GLIS3: variants seen among roughly 807,000 people sequenced by gnomAD.
The protein encoded by GLIS3 is zinc finger protein GLIS3.
A neutral mutation model predicts 78.6 loss-of-function variants in GLIS3; 53 were observed. The ratio of observed to expected loss-of-function variants is 0.67; its 90% CI spans 0.54 to 0.85. The LOEUF (loss-of-function observed/expected upper bound fraction) is 0.85, where lower values mean the gene tolerates loss of function less well. Ranked by LOEUF, GLIS3 falls within the 40% of genes least tolerant of loss-of-function variation. The probability of loss-of-function intolerance (pLI) is 0.00; values close to 1 mark genes in which losing one functional copy is unlikely to be tolerated. For missense variants in GLIS3, 1,703 were observed against 1,231.1 expected, an observed-to-expected ratio of 1.38 and a Z score of -5.74; for synonymous variants, 684 against 509.9, an observed-to-expected ratio of 1.34 and a Z score of -4.60.
intron 9 of GLIS3, among the ~76,000 whole-genome samples, chr9:3,845,751 CCACA>C (rs145728680): frequency 2.6e-5 from 4 of 151,020 alleles, no homozygotes; most frequent in Non-Finnish European, 4.4e-5. Flanking sequence ...ACACACACAC[CCACA>C]CACACACACA....
At chr9:3,867,342 G>A (rs10973926) in intron 8 of GLIS3, among the ~76,000 whole-genome samples, 6,321 of 152,216 alleles carry the variant, frequency 0.042, 169 homozygotes, top group Middle Eastern at 0.075. Flanking sequence ...CCTTATAAGT[G>A]TACATGTGAC....
chr9:3,881,068 C>G (rs1311840016), intron 7 of GLIS3, among the ~76,000 whole-genome samples: 2 of 152,150 alleles, frequency 1.3e-5, no homozygotes, highest in African/African-American at 2.4e-5. Flanking sequence ...AATCACTAAC[C>G]TCATTTATGC....
chr9:3,898,221 C>T (rs1300873268), intron 7 of GLIS3: 3 of 227,238 alleles, frequency 1.3e-5, no homozygotes, highest in Non-Finnish European at 1.8e-5. Context: ...TCTCCTTTCC[C>T]ACAATGGTTG....
intron 4 of GLIS3, among the ~76,000 whole-genome samples, chr9:3,966,626 C>G (rs1817953717): frequency 6.6e-6 from 1 of 151,956 alleles, no homozygotes; most frequent in African/African-American, 2.4e-5. Flanking sequence ...GAAACCCTGT[C>G]TCTACTAAAA....
At chr9:4,468,697 G>C in the GLIS3 span, among the ~76,000 whole-genome samples, 1 of 152,288 alleles carries the variant, frequency 6.6e-6, no homozygotes, top group Non-Finnish European at 1.5e-5. Context: ...AATTTGTAAA[G>C]ACCACTAATG....
intron 2 of GLIS3, among the ~76,000 whole-genome samples, chr9:4,228,851 C>G (rs1016821639): frequency 6.6e-6 from 1 of 152,206 alleles, no homozygotes; most frequent in African/African-American, 2.4e-5. Flanking sequence ...TCTGTTATCT[C>G]TCTGAGTATG....
intron 7 of GLIS3, among the ~76,000 whole-genome samples, chr9:3,891,430 C>G (rs979864236): frequency 6.6e-6 from 1 of 152,164 alleles, no homozygotes; most frequent in South Asian, 2.1e-4. Flanking sequence ...GAGCCGCTGC[C>G]ATGGTTCATG....
intron 2 of GLIS3, among the ~76,000 whole-genome samples, chr9:4,178,246 A>T (rs1816977066): frequency 6.6e-6 from 1 of 151,768 alleles, no homozygotes; most frequent in African/African-American, 2.4e-5. Context: ...CCTGCCCCCA[A>T]AATTTCTGCC....
chr9:4,202,883 A>T (rs981343790), intron 2 of GLIS3, among the ~76,000 whole-genome samples: 1 of 152,236 alleles, frequency 6.6e-6, no homozygotes, highest in Non-Finnish European at 1.5e-5. Context: ...AAAAGCTAGG[A>T]AACACCATTC....
chr9:3,928,453 A>G lies in GLIS3; in HGVS notation c.1983+3907T>C, dbSNP rs142821059. 5.9e-5 allele frequency among the ~76,000 whole-genome samples: 9 copies of G among 152,344 alleles called. No individual in the cohort carries two copies. In the East Asian group the frequency reaches 1.7e-3, roughly 29 times the overall value. ...CCACTTAATATATGCTTCAATTTAA[A>G]GGAAAATACATATTTTCACATAGCT... On this transcript the variant is annotated intron_variant, in intron 6 of 10. Transcript: ENST00000381971.
chr9:4,024,320 C>T (rs527972584), intron 4 of GLIS3, among the ~76,000 whole-genome samples: 3 of 152,282 alleles, frequency 2.0e-5, no homozygotes, highest in South Asian at 2.1e-4. Context: ...GCTGCAAATA[C>T]GGCTGTCATC....
chr9:4,046,676 T>A (rs1825278521), intron 4 of GLIS3, among the ~76,000 whole-genome samples: 1 of 152,192 alleles, frequency 6.6e-6, no homozygotes, highest in African/African-American at 2.4e-5. Context: ...AGCGTTGCAT[T>A]TTTTGAGGGA....
intron 4 of GLIS3, among the ~76,000 whole-genome samples, chr9:3,972,154 CA>C (rs1292731436): frequency 6.6e-6 from 1 of 152,106 alleles, no homozygotes; most frequent in Non-Finnish European, 1.5e-5. Flanking sequence ...ATGTTGTTTA[CA>C]AAAAACTTCT....
chr9:3,888,016 G>A (rs956938764), intron 7 of GLIS3, among the ~76,000 whole-genome samples: 2 of 152,064 alleles, frequency 1.3e-5, no homozygotes, highest in African/African-American at 4.8e-5. Context: ...GACACAGAAA[G>A]TCAGTAAAAT....
chr9:4,465,488 G>C, the GLIS3 span, among the ~76,000 whole-genome samples: 1 of 152,210 alleles, frequency 6.6e-6, no homozygotes, highest in Non-Finnish European at 1.5e-5. Context: ...GACAGAGGCT[G>C]TAGTGAGCCA....
chr9:4,307,931 G>A (rs1563927430), intron 4 of GLIS3, among the ~76,000 whole-genome samples: 1 of 152,148 alleles, frequency 6.6e-6, no homozygotes, highest in Non-Finnish European at 1.5e-5. Context: ...AGAATTGCGG[G>A]TTGTTTAGGG....
chr9:3,964,893 C>T (rs1161412038), intron 4 of GLIS3, among the ~76,000 whole-genome samples: 4 of 152,048 alleles, frequency 2.6e-5, no homozygotes, highest in Admixed American at 1.3e-4. Flanking sequence ...TGTTCCTGAA[C>T]TAAGAAAATC....
intron 2 of GLIS3, among the ~76,000 whole-genome samples, chr9:4,200,624 G>A (rs1368730728): frequency 1.3e-5 from 2 of 151,908 alleles, no homozygotes; most frequent in South Asian, 4.1e-4. Flanking sequence ...TTAAAACCCT[G>A]AACAGACCAA....
chr9:4,426,372 C>T, the GLIS3 span, among the ~76,000 whole-genome samples: 1 of 152,240 alleles, frequency 6.6e-6, no homozygotes, highest in South Asian at 2.1e-4. Flanking sequence ...ACCAACTCTT[C>T]TTTCCTCCTT....
Sources: gnomAD v4.1 joint callset for allele counts (sites outside exome capture counted in the v4.1 genomes callset) on GRCh38, gnomAD v4.1.1 for gene constraint, MANE v1.5 for transcripts, NCBI Gene and HGNC (gene_info 2026-07-23, HGNC 2026-07-21) for gene names.